EMC8: variants seen among roughly 807,000 people sequenced by gnomAD.
The protein encoded by EMC8 is COX4 neighbor.
Under a neutral mutation model 24.3 loss-of-function variants are expected in EMC8, and 11 were observed. The observed-to-expected ratio is 0.45, with a 90% CI of 0.28 to 0.75. The LOEUF is 0.75. EMC8 is among the 30% of genes least tolerant of loss of function. The pLI is 0.12. For missense variants in EMC8, 277 were observed against 282.7 expected (o/e 0.98, Z 0.14); for synonymous variants, 145 against 117.7 (o/e 1.23, Z -1.50).
Position 85,779,867 on chromosome 16 carries a change from A to T in EMC8, c.474T>A (p.His158Gln), listed in dbSNP as rs779235805. The change falls in exon 5 of 5, where the codon CAT becomes CAA. Residue 158 changes from histidine (H) to glutamine (Q), a missense_variant and splice_region_variant. His to Gln is a conservative substitution (Grantham distance 24, BLOSUM62 0). Coordinates refer to ENST00000253457, the MANE Select transcript of EMC8 (RefSeq NM_006067.5). ...ENRWRCRDPHHDYCEDWPEAQ... is the reference protein window; with the variant it reads ...ENRWRCRDPHQDYCEDWPEAQ... ...CCTCTGGCCAGTCTTCACAGTAGTC[A>T]CTACGGGTCAAACATGAAGAAGTCA... 1.9e-6 allele frequency: 3 copies of T among 1,613,772 alleles called. No individual in the cohort carries two copies. Among genetic ancestry groups the T allele is most frequent in the African/African-American group, 2.7e-5 (2 of 74,926 alleles).
At chr16:85,788,778 A>G (rs1171825786) in intron 2 of EMC8, 196 bp downstream of exon 2, 1 of 597,494 alleles carries the variant, frequency 1.7e-6, no homozygotes, top group Non-Finnish European at 3.0e-6. Flanking sequence ...AGAATTCCAA[A>G]GTTAATAGAA....
At chr16:85,798,952 A>T in intron 1 of EMC8, 113 bp downstream of exon 1, 1 of 704,044 alleles carries the variant, frequency 1.4e-6, no homozygotes, top group Non-Finnish European at 2.3e-6. Flanking sequence ...CGGCAACCCT[A>T]GGGAGCGGGT....
At chr16:85,788,484 C>T (rs1189571383) in intron 2 of EMC8, among the ~76,000 whole-genome samples, 5 of 152,298 alleles carry the variant, frequency 3.3e-5, no homozygotes, top group African/African-American at 7.2e-5. Flanking sequence ...TTGTTATTAG[C>T]GAGAGCCCCA....
chr16:85,783,313 GAC>G (rs201654684), intron 2 of EMC8, among the ~76,000 whole-genome samples: 4,432 of 151,536 alleles, frequency 0.029, 210 homozygotes, highest in African/African-American at 0.1. Flanking sequence ...AAAAAAAAGA[GAC>G]AGAGTCTCGC....
rs756699286 is a variant in EMC8, at chr16:85,799,140, G to T, written c.156C>A (p.Thr52=). 24 of 1,603,068 alleles carry T rather than the reference G, an allele frequency of 1.5e-5. No individual in the cohort carries two copies. The Admixed American group carries it at 4.1e-4, about 27-fold the overall frequency. Residue 52 remains threonine, a synonymous_variant, in exon 1 of 5, where the codon ACC becomes ACA. Coordinates refer to ENST00000253457, the MANE Select transcript of EMC8 (RefSeq NM_006067.5). The surrounding 1 kb of genome is among the most constrained non-coding windows in gnomAD (Gnocchi z 4.2). The part of the protein sequence containing the change: ...LPLGGPGAHH[T]LFVDCIPLFH... ...AGAGGGGGATGCAGTCCACGAAGAG[G>T]GTGTGGTGGGCGCCGGGGCCGCCCA...
intron 1 of EMC8, among the ~76,000 whole-genome samples, chr16:85,790,753 T>G (rs1904969933): frequency 6.6e-6 from 1 of 152,180 alleles, no homozygotes; most frequent in African/African-American, 2.4e-5. Flanking sequence ...AGCCTGCCCT[T>G]ATTTTCACAG....
intron 2 of EMC8, among the ~76,000 whole-genome samples, chr16:85,782,212 CAAGT>C (rs1904539336): frequency 6.6e-6 from 1 of 152,158 alleles, no homozygotes; most frequent in Admixed American, 6.5e-5. Context: ...TCCACTGTAA[CAAGT>C]AAGAGCAACC....
At chr16:85,796,942 G>C (rs1905262297) in intron 1 of EMC8, among the ~76,000 whole-genome samples, 1 of 152,194 alleles carries the variant, frequency 6.6e-6, no homozygotes, top group African/African-American at 2.4e-5. Context: ...CAGGTACTGT[G>C]TTTCATCCAC....
Position 85,779,769 on chromosome 16 carries a change from T to C in EMC8, c.572A>G (p.Asp191Gly). The C allele has an allele frequency of 6.2e-7, 1 of 1,614,228 alleles. No individual in the cohort carries two copies. The highest frequency in any genetic ancestry group is 8.5e-7 in the Non-Finnish European group (1 of 1,180,028). The change falls in exon 5 of 5, where the codon GAT becomes GGT. Residue 191 changes from aspartate to glycine, a missense_variant. Physicochemically the swap from Asp to Gly is moderately conservative, Grantham distance 94 (BLOSUM62 -1). Coordinates refer to ENST00000253457, the MANE Select transcript of EMC8 (RefSeq NM_006067.5). ...ETLVDFDNHL[D>G]DIRNDWTNPE... ...GTTTGTCCAGTCATTCCGAATGTCA[T>C]CCAGGTGGTTATCGAAATCCACGAG...
intron 4 of EMC8, 115 bp downstream of exon 4, chr16:85,780,264 G>C (rs1904425643): frequency 2.7e-6 from 2 of 750,248 alleles, no homozygotes; most frequent in East Asian, 2.7e-5. Flanking sequence ...GAATATGCTT[G>C]GTATCATGCT....
At chr16:85,793,646 G>T (rs1363814669) in intron 1 of EMC8, among the ~76,000 whole-genome samples, 1 of 152,206 alleles carries the variant, frequency 6.6e-6, no homozygotes, top group East Asian at 1.9e-4. Flanking sequence ...AGGCCCACAT[G>T]GAGGCCACAG....
intron 2 of EMC8, chr16:85,784,823 C>T (rs1216476166): frequency 6.6e-6 from 1 of 152,114 alleles, no homozygotes; most frequent in African/African-American, 2.4e-5. Context: ...GCTTGCAAAG[C>T]CCTTACCCTC....
Position 85,779,700 on chromosome 16 carries a change from G to C in EMC8, c.*8C>G. ...AAAGGCCCGGAGCCCAGTCACAGCG[G>C]TGCCTGCCTAGCACAAGTGTAGGAC... On this transcript the variant is annotated 3_prime_UTR_variant, in exon 5 of 5. Transcript: ENST00000253457. The C allele has an allele frequency of 6.2e-7, 1 of 1,613,780 alleles. No homozygotes were observed. The highest frequency in any genetic ancestry group is 1.1e-5 in the South Asian group (1 of 91,070).
At chr16:85,788,670 G>T (rs558208218) in intron 2 of EMC8, among the ~76,000 whole-genome samples, 1 of 152,280 alleles carries the variant, frequency 6.6e-6, no homozygotes, top group Non-Finnish European at 1.5e-5. Context: ...GTCTGGGAAG[G>T]GGAAGCAAGG....
chr16:85,798,366 C>G (rs1010111813), intron 1 of EMC8, among the ~76,000 whole-genome samples: 1 of 152,096 alleles, frequency 6.6e-6, no homozygotes, highest in African/African-American at 2.4e-5. Flanking sequence ...AGGTGATCCG[C>G]CTGCCTCGGC....
At position 85,799,149 on chromosome 16, in the gene EMC8, G is replaced by A. The variant is rs1905450958; in HGVS notation, c.147C>T (p.Ala49=). 6.2e-7 allele frequency: 1 copy of A among 1,605,340 alleles called. No individual in the cohort carries two copies. Among genetic ancestry groups the A allele is most frequent in the East Asian group, 2.3e-5 (1 of 44,416 alleles). The part of the protein sequence containing the change: ...KEHLPLGGPG[A]HHTLFVDCIP... ...TGCAGTCCACGAAGAGGGTGTGGTG[G>A]GCGCCGGGGCCGCCCAGGGGGAGGT... The change falls in exon 1 of 5, where the codon GCC becomes GCT. Residue 49 remains alanine, a synonymous_variant. Coordinates refer to ENST00000253457, the MANE Select transcript of EMC8 (RefSeq NM_006067.5). The surrounding 1 kb of genome is among the most constrained non-coding windows in gnomAD (Gnocchi z 4.2).
chr16:85,792,006 G>A (rs940761506), intron 1 of EMC8, among the ~76,000 whole-genome samples: 1 of 152,174 alleles, frequency 6.6e-6, no homozygotes, highest in African/African-American at 2.4e-5. Flanking sequence ...AAAAACCATA[G>A]GACATATTTT....
chr16:85,779,530 G>C lies in EMC8; in HGVS notation c.*178C>G. 5.0e-6 allele frequency: 3 copies of C among 594,992 alleles called. No individual in the cohort carries two copies. Among genetic ancestry groups the C allele is most frequent in the South Asian group, 3.9e-5 (2 of 51,710 alleles). 36.9% of individuals were successfully genotyped at this position (594,992 alleles called of 1,614,324 possible). ...AGACGGGATGTCTGCACCTCTTCTA[G>C]AGACTCTGTGTTAAAAACACGACCG... On this transcript the variant is annotated 3_prime_UTR_variant, in exon 5 of 5. Transcript: ENST00000253457.
At chr16:85,797,473 T>A (rs1225024539) in intron 1 of EMC8, among the ~76,000 whole-genome samples, 1 of 152,226 alleles carries the variant, frequency 6.6e-6, no homozygotes, top group Non-Finnish European at 1.5e-5. Flanking sequence ...CCCAGTGGTG[T>A]TTCAGTAATG....
Sources: gnomAD v4.1 joint callset for allele counts (sites outside exome capture counted in the v4.1 genomes callset) on GRCh38, gnomAD v4.1.1 for gene constraint, Gnocchi (gnomAD v3.1) non-coding constraint, MANE v1.5 for transcripts, NCBI Gene and HGNC (gene_info 2026-07-23, HGNC 2026-07-21) for gene names.